ATRN: variants seen among roughly 807,000 people sequenced by gnomAD.
ATRN encodes attractin.
Under a neutral mutation model 178.7 loss-of-function variants are expected in ATRN, and 54 were observed. That is an observed-to-expected ratio of 0.30 (90% CI 0.24 to 0.38). The LOEUF is 0.38. Among genes scored for constraint, ATRN ranks in the 10% least tolerant of loss-of-function variants. The probability of loss-of-function intolerance (pLI) is 1.00; values close to 1 mark genes in which losing one functional copy is unlikely to be tolerated. For synonymous variants in ATRN, 636 were observed against 663.0 expected, an observed-to-expected ratio of 0.96 and a Z score of 0.63; for missense variants, 1,443 against 1,815.1, an observed-to-expected ratio of 0.79 and a Z score of 3.73.
At chr20:3,484,746 A>G (rs6051890) in intron 1 of ATRN, among the ~76,000 whole-genome samples, 5,859 of 143,376 alleles carry the variant, frequency 0.041, 333 homozygotes, top group African/African-American at 0.14. Context: ...ATCCTTCTGG[A>G]AAGATGCTTT....
In ATRN at chr20:3,572,971, C is replaced by G. The variant is rs1295110098; in HGVS notation, c.2092+20C>G. 1 of 1,598,792 alleles carries G rather than the reference C, an allele frequency of 6.3e-7. No individual in the cohort carries two copies. Among genetic ancestry groups the G allele is most frequent in the Non-Finnish European group, 8.6e-7 (1 of 1,168,344 alleles). ...AAAGAAGTATGTTTTTTTTTCTCTACTTAGATTTTAATGAATTTGAGACCT... is the reference window on the plus strand; with the variant it reads ...AAAGAAGTATGTTTTTTTTTCTCTAGTTAGATTTTAATGAATTTGAGACCT... On this transcript the variant is annotated intron_variant, in intron 12 of 28. Transcript: ENST00000262919.
chr20:3,552,445 A>G (rs1227357509), intron 6 of ATRN, among the ~76,000 whole-genome samples: 2 of 127,804 alleles, frequency 1.6e-5, no homozygotes, highest in African/African-American at 5.7e-5. Context: ...CCCCCAGTTA[A>G]TGGCCACTCC....
intron 6 of ATRN, among the ~76,000 whole-genome samples, chr20:3,554,194 CT>C (rs1451192370): frequency 1.3e-5 from 2 of 151,974 alleles, no homozygotes; most frequent in East Asian, 3.9e-4. Flanking sequence ...TTTTCTACAG[CT>C]TTATTTGTTT....
intron 4 of ATRN, 92 bp from the exon 5 acceptor site, chr20:3,547,192 G>A (rs2085716072): frequency 9.8e-7 from 1 of 1,016,112 alleles, no homozygotes; most frequent in African/African-American, 1.6e-5. Context: ...AACTGAGACA[G>A]TGAGATTCTT....
At chr20:3,541,091 T>TG (rs1169298554) in intron 3 of ATRN, among the ~76,000 whole-genome samples, 4 of 150,862 alleles carry the variant, frequency 2.7e-5, no homozygotes, top group Non-Finnish European at 5.9e-5. Context: ...TTTTTTTTTT[T>TG]TTTTGAGACG....
chr20:3,604,300 G>A, intron 24 of ATRN, 38 bp downstream of exon 24: 1 of 1,547,900 alleles, frequency 6.5e-7, no homozygotes, highest in African/African-American at 1.4e-5. Flanking sequence ...TGCAAAGGTG[G>A]TGAAATCTCT....
At chr20:3,479,711 C>T (rs1022235471) in intron 1 of ATRN, among the ~76,000 whole-genome samples, 6 of 152,206 alleles carry the variant, frequency 3.9e-5, no homozygotes, top group African/African-American at 1.4e-4. Context: ...GGCAGGGCCA[C>T]GATCTCTCTG....
At chr20:3,555,000 T>G (rs1451820642) in intron 6 of ATRN, among the ~76,000 whole-genome samples, 1 of 113,304 alleles carries the variant, frequency 8.8e-6, no homozygotes, top group Non-Finnish European at 1.9e-5. Context: ...CTTTTTTTTT[T>G]TTTTTTTTTT....
intron 1 of ATRN, among the ~76,000 whole-genome samples, chr20:3,532,530 G>A (rs2085468477): frequency 1.3e-5 from 2 of 152,178 alleles, no homozygotes; most frequent in African/African-American, 2.4e-5. Flanking sequence ...AGATAGAGAA[G>A]AATGGTCTCT....
chr20:3,563,753 T>G (rs1292326867), intron 10 of ATRN, among the ~76,000 whole-genome samples: 1 of 152,198 alleles, frequency 6.6e-6, no homozygotes, highest in Non-Finnish European at 1.5e-5. Context: ...GGTGTGGCAA[T>G]ATACCAGACC....
intron 1 of ATRN, among the ~76,000 whole-genome samples, chr20:3,494,182 G>A (rs1156830407): frequency 2.0e-5 from 3 of 152,210 alleles, no homozygotes; most frequent in Non-Finnish European, 4.4e-5. Context: ...ATTCTAGACA[G>A]AGAAGTCAGG....
rs372875346 is a variant in ATRN, at chr20:3,596,346, G to A, written c.3417-31G>A. ...ATGAATTCAGTTTCTGTTTTAAATA[G>A]CAGTATAAAATAGTCTTTTTTCCCC... On this transcript the variant is annotated intron_variant, in intron 20 of 28. Transcript: ENST00000262919. 1.7e-5 allele frequency: 27 copies of A among 1,588,648 alleles called. No homozygotes were observed. In the African/African-American group the frequency reaches 3.4e-4, roughly 20 times the overall value.
chr20:3,553,990 T>G (rs2085825758), intron 6 of ATRN, among the ~76,000 whole-genome samples: 1 of 152,230 alleles, frequency 6.6e-6, no homozygotes, highest in Non-Finnish European at 1.5e-5. Context: ...CTCACTGCAC[T>G]CAGAGCTTAG....
At chr20:3,490,007 A>G in intron 1 of ATRN, 1 of 984,174 alleles carries the variant, frequency 1.0e-6, no homozygotes. Context: ...CATGAGTGAG[A>G]TGTTGCTGTT....
chr20:3,645,212 G>C lies in ATRN; in HGVS notation c.4165+944G>C, dbSNP rs2087098424. 6.6e-6 allele frequency among the ~76,000 whole-genome samples: 1 copy of C among 152,184 alleles called. No homozygotes were observed. The highest frequency in any genetic ancestry group is 6.5e-5 in the Admixed American group (1 of 15,286). On this transcript the variant is annotated intron_variant, in intron 28 of 28. Transcript: ENST00000262919. This position sits in a 1 kb window ranked among gnomAD's most constrained non-coding sequence, Gnocchi z 4.7. The stretch of plus-strand genomic sequence containing the variant: ...TGTGTCTGGTGGAAAGGCTGCCCCA[G>C]GATACTGGTCCAGGCCCTGAGCTCC...
intron 1 of ATRN, among the ~76,000 whole-genome samples, chr20:3,509,750 T>C (rs2085099672): frequency 6.6e-6 from 1 of 152,164 alleles, no homozygotes; most frequent in African/African-American, 2.4e-5. Context: ...GCTATCCACC[T>C]GCCTTGGCCT....
At chr20:3,617,434 C>T (rs2086859321) in intron 24 of ATRN, among the ~76,000 whole-genome samples, 1 of 152,040 alleles carries the variant, frequency 6.6e-6, no homozygotes, top group African/African-American at 2.4e-5. Context: ...CAAGGTTGGC[C>T]TTGAGCTGAT....
In ATRN at chr20:3,649,672, T is replaced by C. The variant is rs1010441140; in HGVS notation, c.*2825T>C. 22 of 152,240 alleles carry C rather than the reference T, an allele frequency of 1.4e-4. No individual in the cohort carries two copies. The highest frequency in any genetic ancestry group is 4.8e-4 in the African/African-American group (20 of 41,456). 9.4% of individuals were successfully genotyped at this position (152,240 alleles called of 1,614,324 possible). A position where few individuals can be genotyped will look rare whatever the true frequency, so the allele number is the denominator to read the frequency against. On this transcript the variant is annotated 3_prime_UTR_variant, in exon 29 of 29. Transcript: ENST00000262919. ...TGGCCCTGCAAGCACATCATGACCC[T>C]TTCTGGCAGCCTCTTGGTGCTCTGG...
intron 1 of ATRN, among the ~76,000 whole-genome samples, chr20:3,506,332 TA>T (rs372026395): frequency 6.6e-6 from 1 of 152,142 alleles, no homozygotes; most frequent in African/African-American, 2.4e-5. Flanking sequence ...ACATTAAAAG[TA>T]AATGCACTGG....
Sources: gnomAD v4.1 joint callset for allele counts (sites outside exome capture counted in the v4.1 genomes callset) on GRCh38, gnomAD v4.1.1 for gene constraint, Gnocchi (gnomAD v3.1) non-coding constraint, MANE v1.5 for transcripts, NCBI Gene and HGNC (gene_info 2026-07-23, HGNC 2026-07-21) for gene names.